The following CTNNA3 variants were observed in gnomAD, a reference collection of about 807,000 sequenced individuals.
The protein encoded by CTNNA3 is catenin alpha 3.
In CTNNA3, 76 loss-of-function variants were observed where a neutral mutation model predicts 95.7. The observed-to-expected ratio is 0.79, with a 90% CI of 0.66 to 0.96. The LOEUF (loss-of-function observed/expected upper bound fraction) is 0.96. Among genes scored for constraint, CTNNA3 ranks in the 40% least tolerant of loss-of-function variants. The pLI is 0.00. For synonymous variants in CTNNA3, 431 were observed against 374.4 expected (o/e 1.15, Z -1.74); for missense variants, 1,191 against 1,089.8 (o/e 1.09, Z -1.31).
At chr10:67,305,152 C>T (rs764604165) in intron 5 of CTNNA3, among the ~76,000 whole-genome samples, 18 of 151,738 alleles carry the variant, frequency 1.2e-4, no homozygotes, top group East Asian at 1.9e-4. Context: ...GGGGGGCGCC[C>T]GTAGTCCCAG....
intron 10 of CTNNA3, among the ~76,000 whole-genome samples, chr10:66,560,220 T>G (rs1842510614): frequency 6.6e-6 from 1 of 152,048 alleles, no homozygotes; most frequent in Admixed American, 6.6e-5. Context: ...GCAGGAAGAT[T>G]TTGGGTTTTG....
At chr10:66,210,884 T>C (rs750023884) in intron 13 of CTNNA3, among the ~76,000 whole-genome samples, 2 of 152,190 alleles carry the variant, frequency 1.3e-5, no homozygotes, top group Non-Finnish European at 2.9e-5. Context: ...TAGGCCACCT[T>C]GTACATATAG....
In CTNNA3 at chr10:66,068,425, T is replaced by A. The variant is rs2080360118; in HGVS notation, c.2159+883A>T. 2.6e-5 allele frequency among the ~76,000 whole-genome samples: 4 copies of A among 152,166 alleles called. No individual in the cohort carries two copies. The South Asian group carries it at 8.3e-4, about 32-fold the overall frequency. The stretch of plus-strand genomic sequence containing the variant: ...TCTTTGTAAATTATTTTGTATGTAA[T>A]TTTCATAAACTGTTTCTCAATTTTA... On this transcript the variant is annotated intron_variant, in intron 15 of 17. Transcript: ENST00000433211.
At chr10:66,055,502 C>CT (rs1266007993) in intron 15 of CTNNA3, among the ~76,000 whole-genome samples, 1 of 151,930 alleles carries the variant, frequency 6.6e-6, no homozygotes, top group Non-Finnish European at 1.5e-5. Context: ...TTCTTGGTTT[C>CT]TTTTTTTCAG....
chr10:66,817,348 C>G (rs1227253432), intron 7 of CTNNA3, among the ~76,000 whole-genome samples: 1 of 150,990 alleles, frequency 6.6e-6, no homozygotes, highest in Non-Finnish European at 1.5e-5. Context: ...GATAAAAAAC[C>G]TACAGATAAA....
intron 15 of CTNNA3, among the ~76,000 whole-genome samples, chr10:66,012,980 A>C (rs1466086663): frequency 6.6e-6 from 1 of 152,178 alleles, no homozygotes; most frequent in African/African-American, 2.4e-5. Context: ...GGCTCACTGC[A>C]ACCTGTGCCT....
At chr10:67,231,114 GC>G (rs1457460812) in intron 5 of CTNNA3, among the ~76,000 whole-genome samples, 1 of 152,190 alleles carries the variant, frequency 6.6e-6, no homozygotes, top group Non-Finnish European at 1.5e-5. Context: ...GCCCGCCATT[GC>G]CCAGGCCTGC....
intron 15 of CTNNA3, among the ~76,000 whole-genome samples, chr10:66,024,561 A>T (rs1231931340): frequency 6.6e-6 from 1 of 152,228 alleles, no homozygotes; most frequent in Non-Finnish European, 1.5e-5. Flanking sequence ...AAAAATCAAC[A>T]TATTGACATA....
chr10:67,510,958 T>G (rs902150839), intron 5 of CTNNA3, among the ~76,000 whole-genome samples: 3 of 152,202 alleles, frequency 2.0e-5, no homozygotes, highest in Non-Finnish European at 4.4e-5. Context: ...GTAGTAATTG[T>G]GAATGGAAGT....
intron 9 of CTNNA3, among the ~76,000 whole-genome samples, chr10:66,685,685 T>A (rs564824358): frequency 6.6e-6 from 1 of 152,048 alleles, no homozygotes; most frequent in South Asian, 2.1e-4. Flanking sequence ...AACCATATTT[T>A]TTTTAAAAAG....
intron 6 of CTNNA3, among the ~76,000 whole-genome samples, chr10:67,198,703 G>T (rs1863492500): frequency 6.6e-6 from 1 of 152,072 alleles, no homozygotes; most frequent in Admixed American, 6.6e-5. Context: ...TCAGTCCCTG[G>T]CTTAATATCC....
Position 67,202,259 on chromosome 10 carries a change from T to C in CTNNA3, c.843+17348A>G, listed in dbSNP as rs946306368. 2.0e-4 allele frequency among the ~76,000 whole-genome samples: 30 copies of C among 151,142 alleles called. 1 individual carries two copies. The highest frequency in any genetic ancestry group is 7.0e-4 in the African/African-American group (29 of 41,430). On this transcript the variant is annotated intron_variant, in intron 6 of 17. Transcript: ENST00000433211. Reference sequence around the variant, plus strand: ...AAGTATGAAAATAAAGCCTGTAAATTATAGATCCATGGCTAGATTTGGAAA... The same window carrying C: ...AAGTATGAAAATAAAGCCTGTAAATCATAGATCCATGGCTAGATTTGGAAA...
chr10:66,716,265 G>A (rs1848446696), intron 9 of CTNNA3, among the ~76,000 whole-genome samples: 1 of 152,072 alleles, frequency 6.6e-6, no homozygotes, highest in Admixed American at 6.6e-5. Context: ...CAAGAAAATG[G>A]ATGTTCAGCT....
At chr10:67,017,537 G>C (rs1852730843) in intron 7 of CTNNA3, among the ~76,000 whole-genome samples, 1 of 152,094 alleles carries the variant, frequency 6.6e-6, no homozygotes, top group Non-Finnish European at 1.5e-5. Flanking sequence ...CATCCTCTAT[G>C]GTTCGGCCTT....
At chr10:66,488,981 G>T (rs527733599) in intron 11 of CTNNA3, among the ~76,000 whole-genome samples, 67 of 152,212 alleles carry the variant, frequency 4.4e-4, no homozygotes, top group African/African-American at 1.6e-3. Flanking sequence ...AGAAGTAAGT[G>T]AAGTTCCTAT....
chr10:67,333,173 C>G (rs952433050), intron 5 of CTNNA3, among the ~76,000 whole-genome samples: 2 of 152,134 alleles, frequency 1.3e-5, no homozygotes, highest in African/African-American at 4.8e-5. Context: ...ATTAAAGAAA[C>G]AGGAAACAAT....
At chr10:66,634,977 G>A (rs1845285608) in intron 9 of CTNNA3, among the ~76,000 whole-genome samples, 1 of 152,080 alleles carries the variant, frequency 6.6e-6, no homozygotes, top group South Asian at 2.1e-4. Flanking sequence ...AATGTAGACT[G>A]CTCTAAGAGT....
chr10:66,142,625 A>G (rs2083677643), intron 13 of CTNNA3, among the ~76,000 whole-genome samples: 1 of 152,080 alleles, frequency 6.6e-6, no homozygotes, highest in African/African-American at 2.4e-5. Flanking sequence ...TTTAAACAAG[A>G]TCTGTTCAGC....
chr10:67,138,774 G>C (rs958589358), intron 7 of CTNNA3, among the ~76,000 whole-genome samples: 3 of 152,084 alleles, frequency 2.0e-5, no homozygotes, highest in African/African-American at 4.8e-5. Flanking sequence ...TATTGTTATT[G>C]TTTTGTATGT....
Sources: allele counts gnomAD v4.1 joint callset (sites outside exome capture counted in the v4.1 genomes callset), GRCh38; gene constraint gnomAD v4.1.1; transcripts MANE v1.5; gene names NCBI Gene and HGNC (gene_info 2026-07-23, HGNC 2026-07-21).